The following TRIOBP variants were observed in gnomAD, a reference collection of about 807,000 sequenced individuals.
TRIOBP encodes TRIO and F-actin binding protein, also known as TRIO and F-actin-binding protein.
In TRIOBP, 169 loss-of-function variants were observed where a neutral mutation model predicts 238.8. The ratio of observed to expected loss-of-function variants is 0.71; its 90% CI spans 0.62 to 0.80. The LOEUF (loss-of-function observed/expected upper bound fraction) is 0.80, where lower values mean the gene tolerates loss of function less well. TRIOBP is among the 30% of genes least tolerant of loss of function. TRIOBP has a pLI of 0.00. For synonymous variants in TRIOBP, 1,150 were observed against 1,274.4 expected, an observed-to-expected ratio of 0.90 and a Z score of 2.08; for missense variants, 2,838 against 3,122.6, an observed-to-expected ratio of 0.91 and a Z score of 2.17.
chr22:37,759,127 C>G (rs765862852), intron 16 of TRIOBP, 27 bp from the exon 17 acceptor site: 1 of 1,581,798 alleles, frequency 6.3e-7, no homozygotes, highest in Non-Finnish European at 8.6e-7. Context: ...GCTTCCAGGT[C>G]CCACTGACCA....
chr22:37,744,872 A>AT (rs61176488), intron 11 of TRIOBP, among the ~76,000 whole-genome samples: 21,167 of 148,912 alleles, frequency 0.14, 3,646 homozygotes, highest in African/African-American at 0.41. Flanking sequence ...AAAAGCAATA[A>AT]TTTTTTTTTT....
intron 3 of TRIOBP, 102 bp downstream of exon 3, chr22:37,701,581 G>T: frequency 1.2e-6 from 1 of 817,828 alleles, no homozygotes; most frequent in South Asian, 1.5e-5. Context: ...CCAGATGCTG[G>T]ACTTCCTCCT....
In TRIOBP at chr22:37,737,680, A is replaced by AAC. The variant is rs58857856; in HGVS notation, c.5107-962_5107-961insAC. Among the ~76,000 whole-genome samples, 410 of 150,224 alleles carry AAC rather than the reference A, an allele frequency of 2.7e-3. 2 individuals are homozygous for AAC. The highest frequency in any genetic ancestry group is 4.2e-3 in the Non-Finnish European group (286 of 67,502). ...CATCTCAAAAAAAAAAAAAAAAAAAATCCTTGGCATGGCACTCAAGGCCGG... is the reference window on the plus strand; with the variant it reads ...CATCTCAAAAAAAAAAAAAAAAAAAAACTCCTTGGCATGGCACTCAAGGCCGG... On this transcript the variant is annotated intron_variant, in intron 9 of 23. Coordinates refer to ENST00000644935, the MANE Select transcript of TRIOBP (RefSeq NM_001039141.3).
At chr22:37,710,384 C>G in intron 3 of TRIOBP, 43 bp from the exon 4 acceptor site, 1 of 1,610,428 alleles carries the variant, frequency 6.2e-7, no homozygotes, top group Non-Finnish European at 8.5e-7. Flanking sequence ...GGGGAGCCCC[C>G]ACGTGGGCGC....
At chr22:37,721,657 T>C (rs912698708) in intron 6 of TRIOBP, among the ~76,000 whole-genome samples, 19 of 152,208 alleles carry the variant, frequency 1.2e-4, no homozygotes, top group Admixed American at 1.2e-3. Flanking sequence ...TTTAAAAAAC[T>C]TGTAGTAGAG....
intron 17 of TRIOBP, among the ~76,000 whole-genome samples, chr22:37,763,267 C>T (rs760926871): frequency 2.6e-5 from 4 of 152,206 alleles, no homozygotes; most frequent in Non-Finnish European, 5.9e-5. Flanking sequence ...GCCTGCTTTA[C>T]GGATGCCAAG....
At chr22:37,699,434 C>G (rs546352526) in intron 2 of TRIOBP, among the ~76,000 whole-genome samples, 24 of 151,984 alleles carry the variant, frequency 1.6e-4, no homozygotes, top group Non-Finnish European at 3.4e-4. Flanking sequence ...ACCGAAGGAA[C>G]CTCTCTGAGC....
chr22:37,747,937 G>A (rs1439193552), intron 11 of TRIOBP, among the ~76,000 whole-genome samples: 1 of 152,198 alleles, frequency 6.6e-6, no homozygotes, highest in East Asian at 1.9e-4. Flanking sequence ...GAAGCAGCGT[G>A]TGGGGTGCTT....
Position 37,726,388 on chromosome 22 carries a change from C to G in TRIOBP, c.3832C>G (p.Pro1278Ala), listed in dbSNP as rs774124751. 99 of 1,588,818 alleles carry G rather than the reference C, an allele frequency of 6.2e-5. No homozygotes were observed. Among genetic ancestry groups the G allele is most frequent in the Non-Finnish European group, 8.5e-5 (99 of 1,167,224 alleles). ...EEYTVLADLP[P>A]PRRLAQRQPG... ...GTACACTGTGCTGGCCGACCTGCCC[C>G]CACCCAGGAGGCTGGCCCAGAGACA... Residue 1278 changes from proline (P) to alanine (A), a missense_variant, in exon 7 of 24, where the codon CCA becomes GCA. Physicochemically the swap from Pro to Ala is conservative, Grantham distance 27 (BLOSUM62 -1). Coordinates refer to ENST00000644935, the MANE Select transcript of TRIOBP (RefSeq NM_001039141.3).
chr22:37,723,247 T>C lies in TRIOBP; in HGVS notation c.691T>C (p.Leu231=). The part of the protein sequence containing the change: ...HWARLRGESG[L]SLERHRSTLT... ...GGCAAGGCTCCGGGGAGAAAGCGGGTTGTCCCTGGAGCGGCACCGGTCAAC... is the reference window on the plus strand; with the variant it reads ...GGCAAGGCTCCGGGGAGAAAGCGGGCTGTCCCTGGAGCGGCACCGGTCAAC... Residue 231 remains leucine, a synonymous_variant, in exon 7 of 24, where the codon TTG becomes CTG. Coordinates refer to ENST00000644935, the MANE Select transcript of TRIOBP (RefSeq NM_001039141.3). 6.2e-7 allele frequency: 1 copy of C among 1,613,908 alleles called. No homozygotes were observed. The highest frequency in any genetic ancestry group is 1.7e-5 in the Admixed American group (1 of 59,984).
In TRIOBP at chr22:37,713,098, C is replaced by T. The variant is rs79448959; in HGVS notation, c.255-112C>T. On this transcript the variant is annotated intron_variant, in intron 4 of 23. Coordinates refer to ENST00000644935, the MANE Select transcript of TRIOBP (RefSeq NM_001039141.3). ...CAGCTCTCACCATTGGCTCCCTTTC[C>T]CACACCAGCGTGTGGGCCCCAGGCT... 6,271 of 963,966 alleles carry T rather than the reference C, an allele frequency of 6.5e-3. 226 individuals are homozygous for T. In the African/African-American group the frequency reaches 0.083, roughly 13 times the overall value. 59.7% of individuals were successfully genotyped at this position (963,966 alleles called of 1,614,324 possible). A position where few individuals can be genotyped will look rare whatever the true frequency, so the allele number is the denominator to read the frequency against.
intron 10 of TRIOBP, among the ~76,000 whole-genome samples, chr22:37,739,897 C>T (rs908020961): frequency 1.3e-5 from 2 of 152,200 alleles, no homozygotes; most frequent in Non-Finnish European, 2.9e-5. Context: ...GGCCCATCAA[C>T]GTGGAAAATA....
At position 37,710,566 on chromosome 22, in the gene TRIOBP, G is replaced by C. The variant is rs750657153; in HGVS notation, c.254G>C (p.Arg85Thr). ...CCAGGCCTCAGGCCAGGGCCCAAGA[G>C]GTGGGTAGAGTCCCAGGGCCCAGGA... Reference protein sequence around the residue: ...VDPGLRPGPKRGPSPSAGLPE... With the variant: ...VDPGLRPGPKTGPSPSAGLPE... The change falls in exon 4 of 24, where the codon AGG (arginine) becomes ACG (threonine). Residue 85 changes from arginine (R) to threonine (T), a missense_variant and splice_region_variant. Arg to Thr is a moderately conservative substitution (Grantham distance 71). Around this residue, in one of 5 missense-constraint regions of TRIOBP, gnomAD observed 535 missense variants for 537.3 expected, o/e 1.00. Transcript: ENST00000644935. The C allele has an allele frequency of 1.2e-6, 2 of 1,609,506 alleles. No homozygotes were observed. The highest frequency in any genetic ancestry group is 1.7e-6 in the Non-Finnish European group (2 of 1,179,498).
At chr22:37,726,642 C>T (rs918999859) in intron 7 of TRIOBP, 139 bp downstream of exon 7, 9 of 863,608 alleles carry the variant, frequency 1.0e-5, no homozygotes, top group South Asian at 6.6e-5. Flanking sequence ...TTGGGCAAAT[C>T]GCTCCATTTC....
At chr22:37,770,064 G>GA (rs1338275005) in intron 21 of TRIOBP, among the ~76,000 whole-genome samples, 108 of 144,204 alleles carry the variant, frequency 7.5e-4, no homozygotes, top group Non-Finnish European at 6.5e-4. Context: ...TTTTTTTTGA[G>GA]ACAGAGTTTT....
intron 6 of TRIOBP, among the ~76,000 whole-genome samples, chr22:37,720,417 C>T (rs1923764995): frequency 6.6e-6 from 1 of 152,210 alleles, no homozygotes; most frequent in South Asian, 2.1e-4. Context: ...CAGGATCCCA[C>T]ATTGCCTTTA....
chr22:37,746,191 C>T, intron 11 of TRIOBP: 1 of 1,032,984 alleles, frequency 9.7e-7, no homozygotes, highest in Non-Finnish European at 1.2e-6. Context: ...CCCATTGGCC[C>T]GCTCGGGTCC....
At chr22:37,720,655 AGAAACAGG>A (rs1198078162) in intron 6 of TRIOBP, among the ~76,000 whole-genome samples, 6 of 151,916 alleles carry the variant, frequency 3.9e-5, no homozygotes, top group Non-Finnish European at 8.8e-5. Context: ...TGTAGATGAG[AGAAACAGG>A]TGAATATGGA....
At chr22:37,709,235 G>A (rs930343536) in intron 3 of TRIOBP, among the ~76,000 whole-genome samples, 1 of 152,216 alleles carries the variant, frequency 6.6e-6, no homozygotes, top group Non-Finnish European at 1.5e-5. Context: ...CCACCCTGTG[G>A]TGCCGACCAG....
Sources: allele counts gnomAD v4.1 joint callset (sites outside exome capture counted in the v4.1 genomes callset), GRCh38; gene constraint gnomAD v4.1.1; regional missense constraint gnomAD v4.1.1; transcripts MANE v1.5; gene names NCBI Gene and HGNC (gene_info 2026-07-23, HGNC 2026-07-21).